IL17REL: variants seen among roughly 807,000 people sequenced by gnomAD.
The protein encoded by IL17REL is interleukin 17 receptor E like.
In IL17REL, 36 loss-of-function variants were observed where a neutral mutation model predicts 49.0. The observed-to-expected ratio is 0.73, with a 90% CI of 0.56 to 0.97. IL17REL has a LOEUF of 0.97. Ranked by LOEUF, IL17REL falls within the 50% of genes least tolerant of loss-of-function variation. IL17REL has a pLI of 0.00. For synonymous variants in IL17REL, 206 were observed against 192.4 expected (o/e 1.07, Z -0.58); for missense variants, 470 against 453.9 (o/e 1.04, Z -0.32).
exon 3 of IL17REL, chr22:50,000,849 G>A (rs2146748142): frequency 1.3e-6 from 2 of 1,569,936 alleles, no homozygotes; most frequent in East Asian, 2.3e-5. Context: ...CAGGCCTCCA[G>A]GCCCCGCAGG....
chr22:50,012,720 A>T (rs1181315469), upstream of IL17REL: 2 of 152,296 alleles, frequency 1.3e-5, no homozygotes, highest in Non-Finnish European at 2.9e-5. Flanking sequence ...GCCCTGTGGC[A>T]GCGGCTCCAG....
intron 10 of IL17REL, 82 bp from the exon 13 acceptor site, chr22:49,997,565 C>A: frequency 1.5e-6 from 2 of 1,353,978 alleles, no homozygotes; most frequent in Non-Finnish European, 2.1e-6. Context: ...CTGGCGCCTG[C>A]CCACTGTACC....
chr22:50,003,847 A>G (rs1289828545), intron 1 of IL17REL, among the ~76,000 whole-genome samples: 1 of 152,188 alleles, frequency 6.6e-6, no homozygotes, highest in African/African-American at 2.4e-5. Flanking sequence ...ACTTCGACTC[A>G]ATACTGCAGG....
At chr22:50,004,135 G>C (rs2061095167) in intron 1 of IL17REL, among the ~76,000 whole-genome samples, 1 of 152,136 alleles carries the variant, frequency 6.6e-6, no homozygotes, top group Non-Finnish European at 1.5e-5. Flanking sequence ...CTGAAGTGCA[G>C]TGGTGCGATC....
downstream of IL17REL, among the ~76,000 whole-genome samples, chr22:49,993,563 G>A (rs147037913): frequency 7.0e-4 from 106 of 152,312 alleles, 1 homozygote; most frequent in African/African-American, 2.3e-3. The surrounding 1 kb of genome is among the most constrained non-coding windows in gnomAD (Gnocchi z 6.0). Context: ...GGCAGCACGC[G>A]TGTGTCCTCC....
intron 1 of IL17REL, among the ~76,000 whole-genome samples, chr22:50,006,996 C>A: frequency 6.8e-6 from 1 of 147,702 alleles, no homozygotes; most frequent in South Asian, 2.1e-4. Flanking sequence ...AACTAAAAAA[C>A]CTATATGACA....
exon 4 of IL17REL, chr22:50,000,518 A>G: frequency 1.9e-6 from 3 of 1,613,576 alleles, no homozygotes; most frequent in Non-Finnish European, 2.5e-6. Flanking sequence ...CCCCGCAGAA[A>G]TGAGGGATGG....
chr22:50,011,333 A>C (rs5771254), upstream of IL17REL, among the ~76,000 whole-genome samples: 58,326 of 150,410 alleles, frequency 0.39, 11,845 homozygotes, highest in African/African-American at 0.51. Flanking sequence ...CTGAGGGTTC[A>C]ATCTTGGTCC....
downstream of IL17REL, among the ~76,000 whole-genome samples, chr22:49,993,195 C>T (rs533926941): frequency 1.3e-5 from 2 of 152,298 alleles, no homozygotes; most frequent in East Asian, 1.9e-4. This position sits in a 1 kb window ranked among gnomAD's most constrained non-coding sequence, Gnocchi z 6.0. Flanking sequence ...TGTTTGTTCC[C>T]GGTGCTGGGT....
chr22:50,002,896 A>G (rs1392870728), intron 1 of IL17REL, among the ~76,000 whole-genome samples: 2 of 152,228 alleles, frequency 1.3e-5, no homozygotes, highest in Non-Finnish European at 2.9e-5. Flanking sequence ...GGCAAAATCC[A>G]TGAGCAATGG....
At chr22:50,000,930 T>C in intron 2 of IL17REL, 67 bp from the exon 4 acceptor site, 4 of 1,328,230 alleles carry the variant, frequency 3.0e-6, no homozygotes, top group Non-Finnish European at 4.1e-6. Flanking sequence ...GACGGGGCCG[T>C]GGGACCCTGT....
chr22:50,002,010 G>C (rs149709365), intron 1 of IL17REL, among the ~76,000 whole-genome samples: 65 of 152,234 alleles, frequency 4.3e-4, no homozygotes, highest in Admixed American at 6.5e-5. Flanking sequence ...GGAGAGTAAG[G>C]AATGAGGGTA....
At chr22:50,004,648 G>C (rs1169606426) in intron 1 of IL17REL, among the ~76,000 whole-genome samples, 28 of 151,248 alleles carry the variant, frequency 1.9e-4, no homozygotes, top group East Asian at 1.4e-3. Context: ...ATCACCAGAG[G>C]TCAGGGGTTC....
chr22:50,005,593 G>A (rs1184650776), intron 1 of IL17REL, among the ~76,000 whole-genome samples: 3 of 152,050 alleles, frequency 2.0e-5, no homozygotes, highest in African/African-American at 7.2e-5. Flanking sequence ...CTTCGGGTCA[G>A]GAGTTCGAGA....
At chr22:49,998,803 G>C (rs998316465) in intron 7 of IL17REL, among the ~76,000 whole-genome samples, 1 of 151,926 alleles carries the variant, frequency 6.6e-6, no homozygotes, top group African/African-American at 2.4e-5. Context: ...ATGCATGGGT[G>C]TGCCTGCCTG....
upstream of IL17REL, chr22:50,009,133 G>C (rs1001882679): frequency 6.6e-6 from 1 of 151,492 alleles, no homozygotes. Context: ...AGTGTGGGGG[G>C]TGCAGGTTAT....
intron 7 of IL17REL, among the ~76,000 whole-genome samples, chr22:49,998,992 G>C (rs1015154786): frequency 5.3e-5 from 8 of 152,108 alleles, no homozygotes; most frequent in Non-Finnish European, 1.5e-5. Context: ...CAGCGTCGCT[G>C]AGCAGAACCG....
intron 1 of IL17REL, among the ~76,000 whole-genome samples, chr22:50,002,424 G>A (rs1357940649): frequency 6.6e-6 from 1 of 151,982 alleles, no homozygotes; most frequent in African/African-American, 2.4e-5. Context: ...GTAACTCTGT[G>A]CCTCAAAGGG....
At chr22:49,997,289 C>T in intron 11 of IL17REL, 31 bp downstream of exon 13, 1 of 1,603,488 alleles carries the variant, frequency 6.2e-7, no homozygotes, top group Non-Finnish European at 8.5e-7. Flanking sequence ...CCCCCACCTC[C>T]CCAGGATGGA....
Sources: gnomAD v4.1 joint callset for allele counts (sites outside exome capture counted in the v4.1 genomes callset) on GRCh38, gnomAD v4.1.1 for gene constraint, Gnocchi (gnomAD v3.1) non-coding constraint, MANE v1.5 for transcripts, NCBI Gene and HGNC (gene_info 2026-07-23, HGNC 2026-07-21) for gene names.